FSD1L: variants seen among roughly 807,000 people sequenced by gnomAD.
FSD1L encodes the protein fibronectin type III and SPRY domain containing 1 like.
A neutral mutation model predicts 71.6 loss-of-function variants in FSD1L; 45 were observed. That is an observed-to-expected ratio of 0.63 (90% confidence interval 0.49 to 0.81). FSD1L has a LOEUF of 0.81. FSD1L is among the 30% of genes least tolerant of loss of function. FSD1L has a pLI of 0.00. For synonymous variants in FSD1L, 197 were observed against 207.2 expected (o/e 0.95, Z 0.42); for missense variants, 561 against 618.1 (o/e 0.91, Z 0.98).
At chr9:105,453,044 GTTTTTTTTTT>G (rs774826229) in intron 1 of FSD1L, among the ~76,000 whole-genome samples, 1 of 88,240 alleles carries the variant, frequency 1.1e-5, no homozygotes, top group Non-Finnish European at 2.1e-5. Context: ...ACCTAAAGTT[GTTTTTTTTTT>G]TTTTTTTTTT....
chr9:105,542,679 G>C (rs772073108), intron 13 of FSD1L, among the ~76,000 whole-genome samples: 5 of 152,082 alleles, frequency 3.3e-5, no homozygotes, highest in Non-Finnish European at 7.4e-5. Context: ...TGGTCTCAAA[G>C]TCCTGGGCTC....
rs1294903272 is a variant in FSD1L, at chr9:105,549,284, G to A, written c.*2801G>A. The A allele has an allele frequency of 6.6e-6, 1 of 152,038 alleles. No homozygotes were observed. The highest frequency in any genetic ancestry group is 1.5e-5 in the Non-Finnish European group (1 of 67,936). 9.4% of individuals were successfully genotyped at this position (152,038 alleles called of 1,614,324 possible). ...CTGAATTCCCAACGAGTTTTATTAAGCTGGATATCGAAATGAAGGAGCTGC... is the reference window on the plus strand; with the variant it reads ...CTGAATTCCCAACGAGTTTTATTAAACTGGATATCGAAATGAAGGAGCTGC... On this transcript the variant is annotated 3_prime_UTR_variant, in exon 14 of 14. Coordinates refer to ENST00000481272, the MANE Select transcript of FSD1L (RefSeq NM_001145313.3).
chr9:105,457,926 G>C (rs1286637316), intron 1 of FSD1L, among the ~76,000 whole-genome samples: 1 of 152,260 alleles, frequency 6.6e-6, no homozygotes, highest in Non-Finnish European at 1.5e-5. Context: ...TCCTCTGTGG[G>C]TGCCTGCGTC....
At chr9:105,485,121 A>T (rs938808715) in intron 7 of FSD1L, among the ~76,000 whole-genome samples, 1 of 152,336 alleles carries the variant, frequency 6.6e-6, no homozygotes, top group African/African-American at 2.4e-5. Context: ...ACATATGTAA[A>T]AGAGCCAATT....
chr9:105,515,619 G>A (rs1301795535), intron 10 of FSD1L, among the ~76,000 whole-genome samples: 1 of 152,006 alleles, frequency 6.6e-6, no homozygotes, highest in Non-Finnish European at 1.5e-5. Context: ...AAGCCATGAG[G>A]GACAGAGCCT....
At chr9:105,505,550 C>T (rs907918755) in intron 7 of FSD1L, among the ~76,000 whole-genome samples, 1 of 152,128 alleles carries the variant, frequency 6.6e-6, no homozygotes, top group South Asian at 2.1e-4. Context: ...TGAGCCACTG[C>T]GCCTGGCCTG....
At chr9:105,498,809 A>G (rs1833586630) in intron 7 of FSD1L, among the ~76,000 whole-genome samples, 1 of 152,156 alleles carries the variant, frequency 6.6e-6, no homozygotes, top group African/African-American at 2.4e-5. Flanking sequence ...TTTTTAGTAG[A>G]GATGGGGTTT....
At chr9:105,523,131 A>T (rs1015509646) in intron 10 of FSD1L, 4 of 1,613,746 alleles carry the variant, frequency 2.5e-6, no homozygotes, top group Non-Finnish European at 3.4e-6. Context: ...GGCTAGTCTA[A>T]CTACTCTTCA....
intron 9 of FSD1L, among the ~76,000 whole-genome samples, chr9:105,511,484 G>A (rs532036884): frequency 6.6e-6 from 1 of 152,034 alleles, no homozygotes; most frequent in Admixed American, 6.5e-5. Flanking sequence ...CTAACCTTTT[G>A]GTAACCTGTC....
chr9:105,461,364 A>AAG, intron 1 of FSD1L, among the ~76,000 whole-genome samples, 156 bp from the exon 2 acceptor site: 1 of 152,344 alleles, frequency 6.6e-6, no homozygotes, highest in African/African-American at 2.4e-5. Context: ...TACCAAAAAA[A>AAG]AAGAAAAACT....
upstream of FSD1L, among the ~76,000 whole-genome samples, chr9:105,446,329 A>G (rs2812304): frequency 0.29 from 43,818 of 152,016 alleles, 6,516 homozygotes; most frequent in Non-Finnish European, 0.31. Flanking sequence ...CATTTCTATG[A>G]AAAATTAAAC....
chr9:105,542,891 G>A (rs554561383), intron 13 of FSD1L, among the ~76,000 whole-genome samples: 25 of 152,088 alleles, frequency 1.6e-4, no homozygotes, highest in Non-Finnish European at 3.2e-4. Context: ...ATTTTGTTAT[G>A]AAGTCCAATT....
intron 7 of FSD1L, among the ~76,000 whole-genome samples, chr9:105,495,209 T>C (rs1033330719): frequency 7.2e-5 from 11 of 151,880 alleles, no homozygotes. Context: ...CAATGGCGGG[T>C]GCCCCTCCCC....
At chr9:105,539,753 C>G (rs1266048863) in intron 13 of FSD1L, among the ~76,000 whole-genome samples, 1 of 152,112 alleles carries the variant, frequency 6.6e-6, no homozygotes, top group African/African-American at 2.4e-5. Context: ...TTTATATAAA[C>G]AGAATCATAC....
intron 13 of FSD1L, 103 bp downstream of exon 13, chr9:105,539,454 G>T: frequency 2.3e-6 from 1 of 443,540 alleles, no homozygotes; most frequent in Non-Finnish European, 3.8e-6. Context: ...AGAATATTTT[G>T]TTTTTTCTTC....
chr9:105,487,166 A>G (rs1248936082), intron 7 of FSD1L, among the ~76,000 whole-genome samples: 1 of 152,164 alleles, frequency 6.6e-6, no homozygotes. Flanking sequence ...ATGACTAGAT[A>G]GTATGAATGT....
In FSD1L at chr9:105,539,635, G is replaced by A. The variant is rs186923798; in HGVS notation, c.1467+284G>A. ...GTGTAACTAGCACTTAGAACATTACGAGAACCTCAGAAGCCCCCTCTAGTG... is the reference window on the plus strand; with the variant it reads ...GTGTAACTAGCACTTAGAACATTACAAGAACCTCAGAAGCCCCCTCTAGTG... On this transcript the variant is annotated intron_variant, in intron 13 of 13. Transcript: ENST00000481272. Among the ~76,000 whole-genome samples, 49 of 152,076 alleles carry A rather than the reference G, an allele frequency of 3.2e-4. 1 individual carries two copies. The South Asian group carries it at 8.3e-3, about 26-fold the overall frequency.
chr9:105,533,416 C>CTTT (rs754896606), intron 10 of FSD1L, among the ~76,000 whole-genome samples: 1,821 of 28,976 alleles, frequency 0.063, 641 homozygotes, highest in African/African-American at 0.076. Flanking sequence ...CCATTTCCAT[C>CTTT]TTTTTTTTTT....
At position 105,548,883 on chromosome 9, in the gene FSD1L, C is replaced by T. The variant is rs1242128152; in HGVS notation, c.*2400C>T. ...ACAAGATGTGGTTTTTTGTTTAAGA[C>T]GTTTTTAGTTTATTTGTTGTTAAGT... On this transcript the variant is annotated 3_prime_UTR_variant, in exon 14 of 14. Coordinates refer to ENST00000481272, the MANE Select transcript of FSD1L (RefSeq NM_001145313.3). The T allele has an allele frequency of 2.0e-5, 3 of 151,910 alleles. No homozygotes were observed. The highest frequency in any genetic ancestry group is 1.3e-4 in the Admixed American group (2 of 15,240). 9.4% of individuals were successfully genotyped at this position (151,910 alleles called of 1,614,324 possible). A position where few individuals can be genotyped will look rare whatever the true frequency, so the allele number is the denominator to read the frequency against.
Sources: allele counts gnomAD v4.1 joint callset (sites outside exome capture counted in the v4.1 genomes callset), GRCh38; gene constraint gnomAD v4.1.1; transcripts MANE v1.5; gene names NCBI Gene and HGNC (gene_info 2026-07-23, HGNC 2026-07-21).